The following KHDRBS2 variants were observed in gnomAD, a reference collection of about 807,000 sequenced individuals.
KHDRBS2 encodes the protein KH RNA binding domain containing, signal transduction associated 2, also known as KH domain-containing, RNA-binding, signal transduction-associated protein 2.
In KHDRBS2, 26 loss-of-function variants were observed where a neutral mutation model predicts 44.3. The ratio of observed to expected loss-of-function variants is 0.59; its 90% CI spans 0.43 to 0.81. KHDRBS2 has a LOEUF of 0.81. KHDRBS2 is among the 40% of genes least tolerant of loss of function. KHDRBS2 has a pLI of 0.00. For missense variants in KHDRBS2, 476 were observed against 433.1 expected, an observed-to-expected ratio of 1.10 and a Z score of -0.88; for synonymous variants, 194 against 151.1, an observed-to-expected ratio of 1.28 and a Z score of -2.08.
chr6:61,819,223 A>G (rs1789484954), intron 6 of KHDRBS2, among the ~76,000 whole-genome samples: 1 of 152,050 alleles, frequency 6.6e-6, no homozygotes, highest in South Asian at 2.1e-4. Context: ...GAGGAAATGA[A>G]TATTCAGATG....
intron 8 of KHDRBS2, among the ~76,000 whole-genome samples, chr6:61,690,597 T>C (rs938852118): frequency 3.9e-5 from 6 of 152,060 alleles, no homozygotes; most frequent in Admixed American, 1.3e-4. Flanking sequence ...CAACACACAA[T>C]TGTTCAAAAA....
intron 4 of KHDRBS2, among the ~76,000 whole-genome samples, chr6:61,930,523 T>TAAAAAAAAAAAAAAAAAAAAAAAAA (rs755321896): frequency 7.6e-5 from 3 of 39,242 alleles, no homozygotes; most frequent in Admixed American, 3.9e-4. Flanking sequence ...ATACCGCCCC[T>TAAAAAAAAAAAAAAAAAAAAAAAAA]AAAAAAAAAA....
chr6:62,265,422 G>A (rs1839030729), intron 1 of KHDRBS2, among the ~76,000 whole-genome samples: 1 of 151,826 alleles, frequency 6.6e-6, no homozygotes, highest in Admixed American at 6.6e-5. Context: ...GTGTATGTCT[G>A]TGTATGTGTA....
chr6:61,595,293 C>A, the KHDRBS2 span, among the ~76,000 whole-genome samples: 1 of 152,196 alleles, frequency 6.6e-6, no homozygotes, highest in South Asian at 2.1e-4. Context: ...ATACTACTCA[C>A]AACAACCAAG....
intron 4 of KHDRBS2, among the ~76,000 whole-genome samples, chr6:61,909,268 C>T (rs951757136): frequency 2.6e-5 from 4 of 151,668 alleles, no homozygotes; most frequent in Non-Finnish European, 5.9e-5. Flanking sequence ...AGGGTTTTGC[C>T]ATGTTGCCCA....
intron 2 of KHDRBS2, among the ~76,000 whole-genome samples, chr6:62,132,779 T>C (rs951979604): frequency 2.0e-5 from 3 of 152,212 alleles, no homozygotes; most frequent in Non-Finnish European, 2.9e-5. Context: ...TCAGGTTTCT[T>C]ATTCTCTTCC....
intron 2 of KHDRBS2, among the ~76,000 whole-genome samples, chr6:62,069,219 T>C (rs771620134): frequency 3.3e-5 from 5 of 151,666 alleles, no homozygotes; most frequent in Admixed American, 1.3e-4. Flanking sequence ...AGACAGTTGA[T>C]TAACTCATAC....
intron 4 of KHDRBS2, among the ~76,000 whole-genome samples, chr6:61,966,547 A>G (rs1769983527): frequency 6.6e-6 from 1 of 151,972 alleles, no homozygotes; most frequent in East Asian, 1.9e-4. Flanking sequence ...CTCATTTTGA[A>G]AGTGATCTCT....
chr6:61,840,629 G>A (rs77013367), intron 6 of KHDRBS2, among the ~76,000 whole-genome samples: 10,141 of 152,014 alleles, frequency 0.067, 401 homozygotes, highest in Middle Eastern at 0.12. Context: ...TGAGAGAGAG[G>A]GACAGTGACA....
intron 6 of KHDRBS2, among the ~76,000 whole-genome samples, chr6:61,848,485 A>G (rs1429561148): frequency 1.3e-4 from 6 of 46,112 alleles, no homozygotes; most frequent in East Asian, 4.3e-4. Context: ...ATATATATAT[A>G]TATATGTATA....
chr6:62,152,176 G>C (rs573244810), intron 2 of KHDRBS2, among the ~76,000 whole-genome samples: 1 of 152,046 alleles, frequency 6.6e-6, no homozygotes, highest in African/African-American at 2.4e-5. Flanking sequence ...AAAATTAGCC[G>C]GGTGTGGTGG....
At position 61,747,854 on chromosome 6, in the gene KHDRBS2, T is replaced by C. The variant is rs1291882514; in HGVS notation, c.811-15090A>G. On this transcript the variant is annotated intron_variant, in intron 6 of 8. Coordinates refer to ENST00000281156, the MANE Select transcript of KHDRBS2 (RefSeq NM_152688.4). ...CATGACAGAATTACCAATTTTATTT[T>C]CCCAGAATGTTGTTTTCTATTTAGC... Among the ~76,000 whole-genome samples, 3 of 152,214 alleles carry C rather than the reference T, an allele frequency of 2.0e-5. No individual in the cohort carries two copies. The East Asian group carries it at 5.8e-4, about 29-fold the overall frequency.
intron 2 of KHDRBS2, among the ~76,000 whole-genome samples, chr6:62,081,017 G>A (rs1440140241): frequency 1.3e-5 from 2 of 151,972 alleles, no homozygotes; most frequent in Non-Finnish European, 2.9e-5. Flanking sequence ...TTTCTTATTA[G>A]CTTCCTTTAA....
intron 7 of KHDRBS2, among the ~76,000 whole-genome samples, 191 bp from the exon 8 acceptor site, chr6:61,697,444 T>A (rs1768032478): frequency 6.6e-6 from 1 of 152,094 alleles, no homozygotes; most frequent in Non-Finnish European, 1.5e-5. Flanking sequence ...TGATTTTTTT[T>A]AATGCCATCT....
chr6:61,954,066 CAG>C (rs1036937860), intron 4 of KHDRBS2, among the ~76,000 whole-genome samples: 4 of 152,112 alleles, frequency 2.6e-5, no homozygotes, highest in Admixed American at 6.6e-5. Flanking sequence ...CAAATAGTAA[CAG>C]AGAAATATTC....
chr6:61,810,652 C>T (rs1387099324), intron 6 of KHDRBS2, among the ~76,000 whole-genome samples: 2 of 152,014 alleles, frequency 1.3e-5, no homozygotes, highest in East Asian at 1.9e-4. Flanking sequence ...ATATGTACTG[C>T]TTATTACACA....
the KHDRBS2 span, among the ~76,000 whole-genome samples, chr6:61,583,413 A>G: frequency 1.3e-5 from 2 of 151,818 alleles, no homozygotes; most frequent in African/African-American, 2.4e-5. Flanking sequence ...TGGGGCCAAT[A>G]TGAATAAAGC....
chr6:61,880,999 T>C (rs1378839357), intron 6 of KHDRBS2, among the ~76,000 whole-genome samples: 1 of 151,896 alleles, frequency 6.6e-6, no homozygotes, highest in Non-Finnish European at 1.5e-5. Context: ...GCAGGGATTG[T>C]GTGCAGCTTC....
intron 6 of KHDRBS2, among the ~76,000 whole-genome samples, chr6:61,838,003 G>C (rs557658924): frequency 1.6e-4 from 25 of 152,088 alleles, no homozygotes; most frequent in Non-Finnish European, 3.5e-4. Context: ...GAGTCAGAAA[G>C]AATCTAAACA....
Sources: gnomAD v4.1 joint callset for allele counts (sites outside exome capture counted in the v4.1 genomes callset) on GRCh38, gnomAD v4.1.1 for gene constraint, MANE v1.5 for transcripts, NCBI Gene and HGNC (gene_info 2026-07-23, HGNC 2026-07-21) for gene names.